Variants in HTRA2 observed in about 807,000 individuals in gnomAD.
The protein encoded by HTRA2 is HtrA serine peptidase 2, also known as serine protease HTRA2, mitochondrial.
HTRA2 carries 24 observed loss-of-function variants against 42.2 expected under a neutral mutation model. The ratio of observed to expected loss-of-function variants is 0.57; its 90% CI spans 0.41 to 0.80. HTRA2 has a LOEUF of 0.80. Among genes scored for constraint, HTRA2 ranks in the 30% least tolerant of loss-of-function variants. The pLI is 0.00. For synonymous variants in HTRA2, 245 were observed against 255.8 expected (o/e 0.96, Z 0.40); for missense variants, 466 against 613.5 (o/e 0.76, Z 2.54).
At chr2:74,532,034 A>C in intron 6 of HTRA2, 109 bp downstream of exon 6, 1 of 1,057,430 alleles carries the variant, frequency 9.5e-7, no homozygotes, top group Non-Finnish European at 1.4e-6. Context: ...GAACTGTGTC[A>C]CACTTGAAAT....
chr2:74,529,782 A>G, upstream of HTRA2: 1 of 1,456,226 alleles, frequency 6.9e-7, no homozygotes, highest in Non-Finnish European at 9.0e-7. Flanking sequence ...CGGTCCCAGC[A>G]TACCCCGCGG....
chr2:74,533,423 A>G (rs2104384557), downstream of HTRA2: 29 of 598,800 alleles, frequency 4.8e-5, no homozygotes, highest in South Asian at 5.5e-4. Flanking sequence ...ATGCTTGGCT[A>G]CAGATACTGA....
chr2:74,532,954 C>T lies in HTRA2; in HGVS notation c.1346C>T (p.Thr449Ile), dbSNP rs886056346. The change falls in exon 8 of 8, where the codon ACC becomes ATC. Residue 449 changes from threonine (T) to isoleucine (I), a missense_variant. Around this residue, in one of 3 missense-constraint regions of HTRA2, gnomAD observed 129 missense variants for 163.1 expected, o/e 0.79. Coordinates refer to ENST00000258080, the MANE Select transcript of HTRA2 (RefSeq NM_013247.5). ...VQIRRGRETL[T>I]LYVTPEVTE is the part of the protein sequence containing the mutation. ...ATCCGGCGGGGACGAGAAACACTGACCTTATATGTGACCCCTGAGGTCACA... is the reference window on the plus strand; with the variant it reads ...ATCCGGCGGGGACGAGAAACACTGATCTTATATGTGACCCCTGAGGTCACA... 15 of 1,613,594 alleles carry T rather than the reference C, an allele frequency of 9.3e-6. No individual in the cohort carries two copies. Among genetic ancestry groups the T allele is most frequent in the Non-Finnish European group, 1.3e-5 (15 of 1,179,856 alleles).
Position 74,531,235 on chromosome 2 carries a change from C to T in HTRA2, c.907-104C>T, listed in dbSNP as rs1210362390. On this transcript the variant is annotated intron_variant, in intron 3 of 7. Transcript: ENST00000258080. ...GGCTGCAAAAATGTGGCCACTTATT[C>T]ATGGGCTGAGAAAGAAGAGAATTTG... 9 of 1,551,398 alleles carry T rather than the reference C, an allele frequency of 5.8e-6. No homozygotes were observed. The African/African-American group carries it at 9.5e-5, about 16-fold the overall frequency.
chr2:74,532,865 G>C lies in HTRA2; in HGVS notation c.1257G>C (p.Gln419His), dbSNP rs781010454. 8.7e-6 allele frequency: 14 copies of C among 1,614,152 alleles called. 1 individual carries two copies. In the South Asian group the frequency reaches 1.4e-4, roughly 16 times the overall value. ...ATGTGATTTTGGCCATTGGGGAGCA[G>C]ATGGTACAAAATGCTGAAGATGTTT... The part of the protein sequence containing the change: ...PGDVILAIGE[Q>H]MVQNAEDVYE... The change falls in exon 8 of 8, where the codon CAG becomes CAC. Residue 419 changes from glutamine to histidine, a missense_variant. Physicochemically the swap from Gln to His is conservative, Grantham distance 24 (BLOSUM62 0). This residue lies in a region of HTRA2 where 129 missense variants were observed against 163.1 expected (regional missense o/e 0.79). Coordinates refer to ENST00000258080, the MANE Select transcript of HTRA2 (RefSeq NM_013247.5).
chr2:74,532,962 G>A lies in HTRA2; in HGVS notation c.1354G>A (p.Val452Met), dbSNP rs368381986. The change falls in exon 8 of 8, where the codon GTG becomes ATG. Residue 452 changes from valine (V) to methionine (M), a missense_variant. By Grantham distance (21) the Val-to-Met change is conservative. Around this residue, in one of 3 missense-constraint regions of HTRA2, gnomAD observed 129 missense variants for 163.1 expected, o/e 0.79. Transcript: ENST00000258080. ...GGGACGAGAAACACTGACCTTATAT[G>A]TGACCCCTGAGGTCACAGAATGAAT... The part of the protein sequence containing the change: ...RRGRETLTLY[V>M]TPEVTE The A allele has an allele frequency of 5.6e-6, 9 of 1,613,826 alleles. No homozygotes were observed. The highest frequency in any genetic ancestry group is 7.6e-6 in the Non-Finnish European group (9 of 1,179,964).
At position 74,530,070 on chromosome 2, in the gene HTRA2, G is replaced by A. The variant is rs1398042174; in HGVS notation, c.64G>A (p.Gly22Ser). ...WSLRAWRALG[G>S]IRWGRRPRLT... ...CCTTCGGGCATGGCGGGCTTTGGGG[G>A]GCATTCGCTGGGGGAGGAGACCCCG... Residue 22 changes from glycine (G) to serine (S), a missense_variant, in exon 1 of 8, where the codon GGC becomes AGC. Gly to Ser is a moderately conservative substitution (Grantham distance 56). Transcript: ENST00000258080. This position sits in a 1 kb window ranked among gnomAD's most constrained non-coding sequence, Gnocchi z 7.4. The A allele has an allele frequency of 3.8e-6, 6 of 1,591,242 alleles. No homozygotes were observed. The African/African-American group carries it at 4.0e-5, about 11-fold the overall frequency.
rs771958962 is a variant in HTRA2 at position 74,531,928 on chromosome 2, A to G, written c.1115+3A>G. On this transcript the variant is annotated splice_donor_region_variant and intron_variant, in intron 6 of 7. Coordinates refer to ENST00000258080, the MANE Select transcript of HTRA2 (RefSeq NM_013247.5). Reference sequence around the variant, plus strand: ...ATGATGCTGACCCTGAGTCCCAGGTATGAGCTTTAGGGACAGTGACATGTA... The same window carrying G: ...ATGATGCTGACCCTGAGTCCCAGGTGTGAGCTTTAGGGACAGTGACATGTA... The G allele has an allele frequency of 2.5e-6, 4 of 1,613,958 alleles. No individual in the cohort carries two copies. Among genetic ancestry groups the G allele is most frequent in the South Asian group, 1.1e-5 (1 of 91,070 alleles).
In HTRA2 at chr2:74,532,784, A is replaced by C. The variant is rs1558613836; in HGVS notation, c.1212-36A>C. ...CATGTGTCCTTGAACTAGGCTTTGT[A>C]CTCCTTCCTTTCTCTCTGTCCATTT... On this transcript the variant is annotated intron_variant, in intron 7 of 7. Transcript: ENST00000258080. 5.0e-6 allele frequency: 8 copies of C among 1,612,890 alleles called. No individual in the cohort carries two copies. In the East Asian group the frequency reaches 1.8e-4, roughly 36 times the overall value.
At chr2:74,529,506 G>A (rs1473750277), upstream of HTRA2, 12 of 1,549,962 alleles carry the variant, frequency 7.7e-6, no homozygotes, top group Non-Finnish European at 1.0e-5. Flanking sequence ...AAGCCTGGGG[G>A]CGAGAGGCGA....
chr2:74,533,498 T>A (rs886056348), downstream of HTRA2: 20 of 919,414 alleles, frequency 2.2e-5, no homozygotes, highest in African/African-American at 3.3e-5. Flanking sequence ...GTGCATGGTC[T>A]GATGAGTGCG....
At chr2:74,529,920 C>T, upstream of HTRA2, 2 of 1,475,258 alleles carry the variant, frequency 1.4e-6, no homozygotes, top group East Asian at 2.3e-5. Context: ...CAGGTACCGG[C>T]GTGCCCCGCG....
downstream of HTRA2, chr2:74,533,413 A>C (rs905352156): frequency 1.7e-6 from 1 of 590,906 alleles, no homozygotes; most frequent in African/African-American, 1.9e-5. Context: ...AAAGATTCCC[A>C]TGCTTGGCTA....
Position 74,532,205 on chromosome 2 carries a change from A to C in HTRA2, c.1115+280A>C, listed in dbSNP as rs766873260. ...CCATTTTCCATCTGTCTGTAAATCAACTTTCTAGACCTGGCTGTAATACCT... is the reference window on the plus strand; with the variant it reads ...CCATTTTCCATCTGTCTGTAAATCACCTTTCTAGACCTGGCTGTAATACCT... On this transcript the variant is annotated intron_variant, in intron 6 of 7. Coordinates refer to ENST00000258080, the MANE Select transcript of HTRA2 (RefSeq NM_013247.5). Among the ~76,000 whole-genome samples, 103 of 152,300 alleles carry C rather than the reference A, an allele frequency of 6.8e-4. 1 individual carries two copies. Among genetic ancestry groups the C allele is most frequent in the African/African-American group, 2.3e-3 (97 of 41,558 alleles).
chr2:74,531,223 TG>T, intron 3 of HTRA2, 115 bp from the exon 4 acceptor site: 1 of 1,542,252 alleles, frequency 6.5e-7, no homozygotes, highest in Non-Finnish European at 9.0e-7. Flanking sequence ...TGCAAAAATG[TG>T]GCCACTTATT....
At chr2:74,529,646 G>C, upstream of HTRA2, 2 of 1,552,318 alleles carry the variant, frequency 1.3e-6, no homozygotes, top group South Asian at 1.2e-5. Flanking sequence ...TGCTTCAGGA[G>C]CGCCCGGCCG....
Position 74,530,884 on chromosome 2 carries a change from A to G in HTRA2, c.712-27A>G. On this transcript the variant is annotated intron_variant, in intron 2 of 7. Transcript: ENST00000258080. This position sits in a 1 kb window ranked among gnomAD's most constrained non-coding sequence, Gnocchi z 7.4. ...TTATTTGCTCGCATCTTCAGATGAC[A>G]GGTCTCTTTTACCCATTCTCCCTTA... 6.2e-7 allele frequency: 1 copy of G among 1,614,148 alleles called. No homozygotes were observed. Among genetic ancestry groups the G allele is most frequent in the Non-Finnish European group, 8.5e-7 (1 of 1,180,038 alleles).
Position 74,532,954 on chromosome 2 carries a change from C to A in HTRA2, c.1346C>A (p.Thr449Asn). 6.2e-7 allele frequency: 1 copy of A among 1,613,594 alleles called. No homozygotes were observed. Among genetic ancestry groups the A allele is most frequent in the East Asian group, 2.2e-5 (1 of 44,852 alleles). ...VQIRRGRETL[T>N]LYVTPEVTE ...ATCCGGCGGGGACGAGAAACACTGA[C>A]CTTATATGTGACCCCTGAGGTCACA... Residue 449 changes from threonine (T) to asparagine (N), a missense_variant, in exon 8 of 8, where the codon ACC becomes AAC. By Grantham distance (65) the Thr-to-Asn change is moderately conservative. Transcript: ENST00000258080.
rs2104368372 is a variant in HTRA2, at chr2:74,530,550, A to G, written c.506+38A>G. The stretch of plus-strand genomic sequence containing the variant: ...GTAGACCGGGAGGCACTGAAGCCAC[A>G]GGCTGGAGGGCGGGCGGGTAGGAGG... On this transcript the variant is annotated intron_variant, in intron 1 of 7. Coordinates refer to ENST00000258080, the MANE Select transcript of HTRA2 (RefSeq NM_013247.5). This position sits in a 1 kb window ranked among gnomAD's most constrained non-coding sequence, Gnocchi z 7.4. 1 of 1,613,398 alleles carries G rather than the reference A, an allele frequency of 6.2e-7. No individual in the cohort carries two copies. Among genetic ancestry groups the G allele is most frequent in the Non-Finnish European group, 8.5e-7 (1 of 1,179,916 alleles).
Sources: gnomAD v4.1 joint callset for allele counts (sites outside exome capture counted in the v4.1 genomes callset) on GRCh38, gnomAD v4.1.1 for gene constraint, gnomAD v4.1.1 regional missense constraint, Gnocchi (gnomAD v3.1) non-coding constraint, MANE v1.5 for transcripts, NCBI Gene and HGNC (gene_info 2026-07-23, HGNC 2026-07-21) for gene names.